The following SLC12A7 variants were observed in gnomAD, a reference collection of about 807,000 sequenced individuals.
SLC12A7 encodes the protein K-Cl cotransporter 4.
SLC12A7 carries 100 observed loss-of-function variants against 120.6 expected under a neutral mutation model. The ratio of observed to expected loss-of-function variants is 0.83; its 90% confidence interval spans 0.71 to 0.98. SLC12A7 has a LOEUF of 0.98. Among genes scored for constraint, SLC12A7 ranks in the 50% least tolerant of loss-of-function variants. The pLI, the probability that SLC12A7 is intolerant of heterozygous loss-of-function variation, is 0.00. For missense variants in SLC12A7, 1,373 were observed against 1,548.1 expected (o/e 0.89, Z 1.90); for synonymous variants, 760 against 678.0 (o/e 1.12, Z -1.88).
At chr5:1,125,268 A>AGTTGTGT in the SLC12A7 span, among the ~76,000 whole-genome samples, 2 of 150,368 alleles carry the variant, frequency 1.3e-5, no homozygotes, top group African/African-American at 4.9e-5. Flanking sequence ...TTTAAACGAA[A>AGTTGTGT]GTGTGTGTGT....
the SLC12A7 span, among the ~76,000 whole-genome samples, chr5:1,145,750 AGCGCCTCTGTCCTCT>A: frequency 6.6e-6 from 1 of 152,122 alleles, no homozygotes; most frequent in Non-Finnish European, 1.5e-5. This position sits in a 1 kb window ranked among gnomAD's most constrained non-coding sequence, Gnocchi z 4.4. Context: ...GCCAGGATCA[AGCGCCTCTGTCCTCT>A]GCAGAAGGAA....
At position 1,085,255 on chromosome 5, in the gene SLC12A7, A is replaced by C. The variant is rs1579390622; in HGVS notation, c.894T>G (p.Ser298=). 3 of 1,607,226 alleles carry C rather than the reference A, an allele frequency of 1.9e-6. No individual in the cohort carries two copies. Among genetic ancestry groups the C allele is most frequent in the Non-Finnish European group, 2.5e-6 (3 of 1,177,220 alleles). ...ILAIYAGVIK[S]AFDPPDIPVC... is the part of the protein sequence containing the mutation. Reference sequence around the variant, plus strand: ...ACGGGATGTCCGGGGGGTCGAAGGCAGACTTGATGACGCCGGCATAGATGG... The same window carrying C: ...ACGGGATGTCCGGGGGGTCGAAGGCCGACTTGATGACGCCGGCATAGATGG... Residue 298 remains serine (S), a synonymous_variant, in exon 7 of 24, where the codon TCT becomes TCG. Coordinates refer to ENST00000264930, the MANE Select transcript of SLC12A7 (RefSeq NM_006598.3).
intron 22 of SLC12A7, 111 bp from the exon 23 acceptor site, chr5:1,053,593 G>A: frequency 7.2e-7 from 1 of 1,382,908 alleles, no homozygotes; most frequent in South Asian, 1.4e-5. Flanking sequence ...AAAGGGCTGT[G>A]TGAGTCAGGA....
chr5:1,132,035 G>A, the SLC12A7 span, among the ~76,000 whole-genome samples: 5 of 152,298 alleles, frequency 3.3e-5, no homozygotes, highest in East Asian at 1.9e-4. Context: ...AAGGTGAGAC[G>A]GGACGACCGC....
chr5:1,052,395 C>T lies in SLC12A7; in HGVS notation c.3217G>A (p.Gly1073Ser). Residue 1073 changes from glycine to serine, a missense_variant, in exon 24 of 24, where the codon GGT becomes AGT. Physicochemically the swap from Gly to Ser is moderately conservative, Grantham distance 56. Transcript: ENST00000264930. The part of the protein sequence containing the change: ...EGLNRVLLVR[G>S]GGREVITIYS ...ATGGTGATCACCTCCCGGCCGCCACCCCTGACCAGGAGGACTCTGTTCAGC... is the reference window on the plus strand; with the variant it reads ...ATGGTGATCACCTCCCGGCCGCCACTCCTGACCAGGAGGACTCTGTTCAGC... 2 of 1,612,914 alleles carry T rather than the reference C, an allele frequency of 1.2e-6. No individual in the cohort carries two copies. Among genetic ancestry groups the T allele is most frequent in the South Asian group, 1.1e-5 (1 of 91,084 alleles).
At chr5:1,060,232 G>A in intron 21 of SLC12A7, 112 bp downstream of exon 21, 1 of 791,240 alleles carries the variant, frequency 1.3e-6, no homozygotes. Context: ...AGTACCTGAG[G>A]CATGCTCTCT....
chr5:1,112,152 T>C, upstream of SLC12A7: 1 of 891,954 alleles, frequency 1.1e-6, no homozygotes, highest in Non-Finnish European at 1.4e-6. Context: ...CACGAAAAGT[T>C]GGCCCGCGGC....
At chr5:1,103,972 C>T (rs1043421666) in intron 1 of SLC12A7, among the ~76,000 whole-genome samples, 2 of 152,236 alleles carry the variant, frequency 1.3e-5, no homozygotes, top group Non-Finnish European at 2.9e-5. Context: ...CCTGCAGGAG[C>T]AGAGATGAAG....
chr5:1,087,167 G>T, intron 5 of SLC12A7, 134 bp from the exon 6 acceptor site: 1 of 1,194,844 alleles, frequency 8.4e-7, no homozygotes, highest in Non-Finnish European at 1.1e-6. Flanking sequence ...TCGTCCACCC[G>T]CAAAGCAGCA....
chr5:1,120,723 G>A, the SLC12A7 span, among the ~76,000 whole-genome samples: 3 of 152,172 alleles, frequency 2.0e-5, no homozygotes, highest in African/African-American at 7.2e-5. Context: ...GTCCCTTCAG[G>A]GAGTGTCTAC....
intron 3 of SLC12A7, 146 bp from the exon 4 acceptor site, chr5:1,089,274 CAG>C (rs983381173): frequency 2.2e-5 from 18 of 812,986 alleles, no homozygotes; most frequent in Non-Finnish European, 3.2e-5. Flanking sequence ...GATGGAGGTT[CAG>C]AGAGAGGCCC....
the SLC12A7 span, among the ~76,000 whole-genome samples, chr5:1,153,627 A>C: frequency 6.6e-6 from 1 of 152,174 alleles, no homozygotes; most frequent in Non-Finnish European, 1.5e-5. Flanking sequence ...CTGTTGCCAC[A>C]AGCCGTGTTG....
intron 9 of SLC12A7, 141 bp downstream of exon 9, chr5:1,081,436 A>T: frequency 1.2e-6 from 1 of 826,268 alleles, no homozygotes; most frequent in South Asian, 2.1e-5. Flanking sequence ...GGTGGGAGGA[A>T]TATTTGTGTC....
chr5:1,087,555 C>T (rs899690186), intron 5 of SLC12A7, among the ~76,000 whole-genome samples: 1 of 152,240 alleles, frequency 6.6e-6, no homozygotes, highest in Non-Finnish European at 1.5e-5. Context: ...ATGGACGCGG[C>T]CATCGTGAAG....
Position 1,063,834 on chromosome 5 carries a change from C to T in SLC12A7, c.2739+10G>A, listed in dbSNP as rs1001879757. On this transcript the variant is annotated intron_variant, in intron 20 of 23. Coordinates refer to ENST00000264930, the MANE Select transcript of SLC12A7 (RefSeq NM_006598.3). ...CCCCGGCCTCCTCCCCTCAAGCCCT[C>T]GGGACTCACCATCTCCACCACCTCC... The T allele has an allele frequency of 3.8e-6, 6 of 1,573,020 alleles. No homozygotes were observed. The highest frequency in any genetic ancestry group is 1.4e-5 in the African/African-American group (1 of 72,006).
rs1736932113 is a variant in SLC12A7 at position 1,065,372 on chromosome 5, A to G, written c.2348T>C (p.Leu783Pro). Residue 783 changes from leucine (L) to proline (P), a missense_variant, in exon 18 of 24, where the codon CTG becomes CCG. Leu to Pro is a moderately conservative substitution (Grantham distance 98, BLOSUM62 -3). Transcript: ENST00000264930. ...GMSHLIQSAG[L>P]GGLKHNTVLM... ...CACCGTGTTGTGCTTCAGGCCGCCC[A>G]GGCCGGCCGACTGGATCAGGTGGGA... The G allele has an allele frequency of 6.2e-7, 1 of 1,612,364 alleles. No homozygotes were observed. Among genetic ancestry groups the G allele is most frequent in the Non-Finnish European group, 8.5e-7 (1 of 1,179,554 alleles).
rs1380362018 is a variant in SLC12A7, at chr5:1,060,371, C to G, written c.2820G>C (p.Gln940His). The G allele has an allele frequency of 1.2e-6, 2 of 1,613,590 alleles. No homozygotes were observed. Among genetic ancestry groups the G allele is most frequent in the East Asian group, 4.5e-5 (2 of 44,906 alleles). Residue 940 changes from glutamine to histidine, a missense_variant, in exon 21 of 24, where the codon CAG (glutamine) becomes CAC (histidine). By Grantham distance (24) the Gln-to-His change is conservative. Transcript: ENST00000264930. ...CTCGCTCCTGCTCGTTCTTGGACAG[C>G]TGCATCTGCTTCAGCATCTGCGACC... is the stretch of plus-strand genomic sequence containing the variant. ...EQRSQMLKQM[Q>H]LSKNEQEREA...
intron 20 of SLC12A7, among the ~76,000 whole-genome samples, chr5:1,060,872 C>A (rs1245133184): frequency 6.8e-6 from 1 of 146,296 alleles, no homozygotes; most frequent in Non-Finnish European, 1.5e-5. Flanking sequence ...GAAGCCACAG[C>A]ACAACCTCAG....
In SLC12A7 at chr5:1,082,022, GAAA is replaced by G. The variant is rs879700246; in HGVS notation, c.1130-281_1130-279del. 4.1e-3 allele frequency among the ~76,000 whole-genome samples: 437 copies of G among 107,596 alleles called. 1 individual carries two copies. The highest frequency in any genetic ancestry group is 6.0e-3 in the Non-Finnish European group (252 of 41,814). The allele number at this position is 107,596 out of a possible 152,430, so 70.6% of individuals were successfully genotyped here. On this transcript the variant is annotated intron_variant, in intron 8 of 23. Coordinates refer to ENST00000264930, the MANE Select transcript of SLC12A7 (RefSeq NM_006598.3). Reference sequence around the variant, plus strand: ...CCTGGGCTTCCCGTCTCGGGTTCTGGAAAGTCCAGGCTTCCCGTCTCGGGTTCT... The same window carrying G: ...CCTGGGCTTCCCGTCTCGGGTTCTGGGTCCAGGCTTCCCGTCTCGGGTTCT...
Sources: allele counts gnomAD v4.1 joint callset (sites outside exome capture counted in the v4.1 genomes callset), GRCh38; gene constraint gnomAD v4.1.1; non-coding constraint Gnocchi (gnomAD v3.1); transcripts MANE v1.5; gene names NCBI Gene and HGNC (gene_info 2026-07-23, HGNC 2026-07-21).